Variants in EPSTI1 observed in about 807,000 individuals in gnomAD.
The protein encoded by EPSTI1 is epithelial stromal interaction 1.
Under a neutral mutation model 49.9 loss-of-function variants are expected in EPSTI1, and 66 were observed. That is an observed-to-expected ratio of 1.32 (90% CI 1.08 to 1.62). EPSTI1 has a LOEUF of 1.62. Among genes scored for constraint, EPSTI1 ranks in the 40% most tolerant of loss-of-function variants. The pLI is 0.00. For missense variants in EPSTI1, 394 were observed against 365.5 expected (o/e 1.08, Z -0.64); for synonymous variants, 137 against 130.7 (o/e 1.05, Z -0.33).
At position 42,888,063 on chromosome 13, in the gene EPSTI1, C is replaced by A; in HGVS notation, c.*431G>T. The stretch of plus-strand genomic sequence containing the variant: ...CTTTTTCTTTTGTACATATTTGTAC[C>A]ATAAAGAAAGTAGGGATTAAAATCT... On this transcript the variant is annotated 3_prime_UTR_variant, in exon 11 of 11. Coordinates refer to ENST00000313624, the MANE Select transcript of EPSTI1 (RefSeq NM_033255.5). 1.8e-6 allele frequency: 1 copy of A among 549,980 alleles called. No homozygotes were observed. Among genetic ancestry groups the A allele is most frequent in the East Asian group, 3.0e-5 (1 of 32,798 alleles). 34.1% of individuals were successfully genotyped at this position (549,980 alleles called of 1,614,324 possible). A position where few individuals can be genotyped will look rare whatever the true frequency, so the allele number is the denominator to read the frequency against.
In EPSTI1 at chr13:42,946,627, T is replaced by C. The variant is rs576091913; in HGVS notation, c.563+7321A>G. On this transcript the variant is annotated intron_variant, in intron 6 of 10. Coordinates refer to ENST00000313624, the MANE Select transcript of EPSTI1 (RefSeq NM_033255.5). ...TGCCTATTCTAGCAAAATCCAGATA[T>C]TGGTAGGAAGAAATAGAAGTCAACT... Among the ~76,000 whole-genome samples the C allele has an allele frequency of 8.5e-5, 13 of 152,264 alleles. No individual in the cohort carries two copies. The South Asian group carries it at 2.7e-3, about 32-fold the overall frequency.
chr13:42,909,596 C>T (rs562550102), intron 8 of EPSTI1, among the ~76,000 whole-genome samples: 1 of 135,430 alleles, frequency 7.4e-6, no homozygotes, highest in African/African-American at 2.4e-5. Flanking sequence ...TATTATTCCA[C>T]CATAAAAAGA....
At chr13:42,894,261 T>C (rs1351659293) in intron 10 of EPSTI1, among the ~76,000 whole-genome samples, 1 of 152,242 alleles carries the variant, frequency 6.6e-6, no homozygotes, top group South Asian at 2.1e-4. Context: ...TATTTTGTTG[T>C]ATTGTGACCA....
intron 1 of EPSTI1, among the ~76,000 whole-genome samples, chr13:42,986,327 A>C (rs2040077110): frequency 6.6e-6 from 1 of 152,040 alleles, no homozygotes; most frequent in African/African-American, 2.4e-5. Flanking sequence ...AGCTCCCCAA[A>C]CCCTTGGGAT....
chr13:42,979,990 C>T (rs1288059519), intron 1 of EPSTI1, among the ~76,000 whole-genome samples: 1 of 152,064 alleles, frequency 6.6e-6, no homozygotes, highest in East Asian at 1.9e-4. Flanking sequence ...CTCCTATGAG[C>T]TCAGACAATT....
intron 10 of EPSTI1, chr13:42,889,113 T>C: frequency 2.0e-6 from 2 of 985,210 alleles, no homozygotes; most frequent in Admixed American, 2.5e-5. Context: ...TAACTGCCCC[T>C]GAAGACATAG....
chr13:42,926,462 C>T (rs2038182763), intron 6 of EPSTI1, 33 bp from the exon 7 acceptor site: 2 of 1,149,722 alleles, frequency 1.7e-6, no homozygotes, highest in Non-Finnish European at 2.6e-6. Flanking sequence ...TTAGTGCCTT[C>T]ACAAAAATAT....
intron 1 of EPSTI1, among the ~76,000 whole-genome samples, chr13:42,973,682 TG>T: frequency 6.6e-6 from 1 of 152,352 alleles, no homozygotes; most frequent in East Asian, 1.9e-4. Flanking sequence ...AATTTATTAA[TG>T]TTTTCAGCCA....
intron 6 of EPSTI1, among the ~76,000 whole-genome samples, chr13:42,927,354 T>C (rs1313076123): frequency 1.3e-5 from 2 of 152,164 alleles, no homozygotes; most frequent in African/African-American, 4.8e-5. Flanking sequence ...TTTGTGTGAT[T>C]TTTATCTCTT....
rs565812374 is a variant in EPSTI1 at position 42,988,717 on chromosome 13, C to T, written c.188+3261G>A. Among the ~76,000 whole-genome samples, 635 of 141,672 alleles carry T rather than the reference C, an allele frequency of 4.5e-3. 4 individuals carry two copies. Among genetic ancestry groups the T allele is most frequent in the Non-Finnish European group, 5.9e-3 (387 of 65,796 alleles). 92.9% of individuals were successfully genotyped at this position (141,672 alleles called of 152,430 possible). A position where few individuals can be genotyped will look rare whatever the true frequency, so the allele number is the denominator to read the frequency against. ...TTGCACTCCAGCCTGAGCGACAGAG[C>T]GAGACTCTGTCTCAAAAAAAAAAAA... On this transcript the variant is annotated intron_variant, in intron 1 of 10. Coordinates refer to ENST00000313624, the MANE Select transcript of EPSTI1 (RefSeq NM_033255.5).
At chr13:42,991,479 T>A (rs2040193077) in intron 1 of EPSTI1, among the ~76,000 whole-genome samples, 1 of 152,210 alleles carries the variant, frequency 6.6e-6, no homozygotes. Flanking sequence ...AAGACTGGGT[T>A]TCACCATGTT....
intron 6 of EPSTI1, among the ~76,000 whole-genome samples, chr13:42,942,402 C>T (rs748994396): frequency 9.2e-5 from 14 of 151,924 alleles, no homozygotes; most frequent in African/African-American, 2.7e-4. Context: ...CAGAAATTGA[C>T]GATCAAATTT....
rs1011560111 is a variant in EPSTI1 at position 42,887,735 on chromosome 13, T to C, written c.*759A>G. 4.6e-5 allele frequency: 7 copies of C among 152,238 alleles called. No homozygotes were observed. The highest frequency in any genetic ancestry group is 1.7e-4 in the African/African-American group (7 of 41,454). 9.4% of individuals were successfully genotyped at this position (152,238 alleles called of 1,614,324 possible). On this transcript the variant is annotated 3_prime_UTR_variant, in exon 11 of 11. Transcript: ENST00000313624. ...AAAGAAAAAACAAGTTTCTGAAACA[T>C]GTACAAACTACATATGATGTCTATA...
At chr13:42,990,917 A>G (rs1443419393) in intron 1 of EPSTI1, among the ~76,000 whole-genome samples, 2 of 152,252 alleles carry the variant, frequency 1.3e-5, no homozygotes, top group Non-Finnish European at 2.9e-5. Flanking sequence ...GTGATAAACC[A>G]TACTGTTGAG....
intron 10 of EPSTI1, among the ~76,000 whole-genome samples, chr13:42,894,377 T>C (rs982686880): frequency 1.3e-5 from 2 of 152,238 alleles, no homozygotes; most frequent in African/African-American, 4.8e-5. Flanking sequence ...CTATGGTCTT[T>C]AGTTTTGATT....
At chr13:42,904,357 C>A (rs1408159) in intron 8 of EPSTI1, among the ~76,000 whole-genome samples, 22,023 of 152,114 alleles carry the variant, frequency 0.14, 2,229 homozygotes, top group East Asian at 0.48. Flanking sequence ...TGGTCATTAT[C>A]TTCACTCAAA....
chr13:42,887,981 A>AT lies in EPSTI1; in HGVS notation c.*512dup. On this transcript the variant is annotated 3_prime_UTR_variant, in exon 11 of 11. Transcript: ENST00000313624. ...TTTTCATTAAAAATAAAAATGACCC[A>AT]TTTATACAGAAGGAGTTCAAAATTT... is the stretch of plus-strand genomic sequence containing the variant. 1 of 262,552 alleles carries AT rather than the reference A, an allele frequency of 3.8e-6. No individual in the cohort carries two copies. The highest frequency in any genetic ancestry group is 7.1e-6 in the Non-Finnish European group (1 of 140,584). 16.3% of individuals were successfully genotyped at this position (262,552 alleles called of 1,614,324 possible).
At chr13:42,975,684 G>A (rs2039867479) in intron 1 of EPSTI1, among the ~76,000 whole-genome samples, 1 of 152,158 alleles carries the variant, frequency 6.6e-6, no homozygotes, top group Non-Finnish European at 1.5e-5. Flanking sequence ...GGTTTGGTAT[G>A]TATCTCAGCC....
At chr13:42,902,689 A>G (rs977237155) in intron 8 of EPSTI1, among the ~76,000 whole-genome samples, 3 of 152,228 alleles carry the variant, frequency 2.0e-5, no homozygotes, top group Non-Finnish European at 4.4e-5. Flanking sequence ...CAACAATTGC[A>G]AAGGTAGGCA....
Sources: gnomAD v4.1 joint callset for allele counts (sites outside exome capture counted in the v4.1 genomes callset) on GRCh38, gnomAD v4.1.1 for gene constraint, MANE v1.5 for transcripts, NCBI Gene and HGNC (gene_info 2026-07-23, HGNC 2026-07-21) for gene names.